Variants in PACRG observed in about 807,000 individuals in gnomAD.
PACRG encodes parkin coregulated gene protein.
A neutral mutation model predicts 29.7 loss-of-function variants in PACRG; 29 were observed. The observed-to-expected ratio is 0.98, with a 90% CI of 0.73 to 1.33. The LOEUF is 1.33. Among genes scored for constraint, PACRG ranks in the 40% most tolerant of loss-of-function variants. The pLI is 0.00. For missense variants in PACRG, 279 were observed against 316.2 expected, an observed-to-expected ratio of 0.88 and a Z score of 0.89; for synonymous variants, 116 against 118.7, an observed-to-expected ratio of 0.98 and a Z score of 0.15.
chr6:163,104,596 G>T (rs1815279797), intron 4 of PACRG, among the ~76,000 whole-genome samples: 1 of 152,164 alleles, frequency 6.6e-6, no homozygotes, highest in South Asian at 2.1e-4. Flanking sequence ...GTCTCATGGG[G>T]AAAAATAGTA....
intron 4 of PACRG, among the ~76,000 whole-genome samples, chr6:163,242,918 G>A (rs1782554129): frequency 6.6e-6 from 1 of 152,224 alleles, no homozygotes; most frequent in South Asian, 2.1e-4. Context: ...ATCATGAATT[G>A]CAAAATGCAG....
intron 1 of PACRG, among the ~76,000 whole-genome samples, chr6:162,773,493 C>CTTTTTTT (rs1562582605): frequency 9.7e-5 from 8 of 82,766 alleles, no homozygotes; most frequent in African/African-American, 2.9e-4. Context: ...TACAGCTTGT[C>CTTTTTTT]ATTTTTTTTT....
chr6:162,754,366 A>G (rs1781736923), intron 1 of PACRG, among the ~76,000 whole-genome samples: 1 of 152,038 alleles, frequency 6.6e-6, no homozygotes. Context: ...TGAGTTCCAT[A>G]TACCATCAGA....
Position 163,276,012 on chromosome 6 carries a change from T to TTCCTTCCTTCC in PACRG, c.614-38814_614-38813insCCTTCCTTCCT, listed in dbSNP as rs1218623098. Among the ~76,000 whole-genome samples the TTCCTTCCTTCC allele has an allele frequency of 3.3e-3, 460 of 138,234 alleles. 1 individual carries two copies. Among genetic ancestry groups the TTCCTTCCTTCC allele is most frequent in the East Asian group, 0.012 (61 of 5,010 alleles). 90.7% of individuals were successfully genotyped at this position (138,234 alleles called of 152,430 possible). On this transcript the variant is annotated intron_variant, in intron 4 of 4. Coordinates refer to ENST00000366888, the MANE Select transcript of PACRG (RefSeq NM_001080379.2). ...CTTTCCTTCCTTCCTTCCTTCCTTC[T>TTCCTTCCTTCC]TTCTTTCTTTCTTTCTTTCTTTCTT...
chr6:163,223,966 T>C (rs1448639982), intron 4 of PACRG, among the ~76,000 whole-genome samples: 1 of 152,196 alleles, frequency 6.6e-6, no homozygotes, highest in Admixed American at 6.5e-5. Flanking sequence ...CTGAGAATGC[T>C]ATCCTTATCA....
intron 4 of PACRG, among the ~76,000 whole-genome samples, chr6:163,177,522 G>A (rs983749814): frequency 1.3e-5 from 2 of 151,906 alleles, no homozygotes; most frequent in African/African-American, 2.4e-5. Context: ...AAGACCAAGC[G>A]TGAAGAAAGG....
At chr6:163,261,951 C>T (rs1783342788) in intron 4 of PACRG, among the ~76,000 whole-genome samples, 1 of 152,070 alleles carries the variant, frequency 6.6e-6, no homozygotes, top group African/African-American at 2.4e-5. Flanking sequence ...TACGGTGGGA[C>T]AACTATATTA....
intron 2 of PACRG, among the ~76,000 whole-genome samples, chr6:162,891,459 A>G (rs1432339693): frequency 6.6e-6 from 1 of 152,098 alleles, no homozygotes; most frequent in Non-Finnish European, 1.5e-5. Context: ...TGGTTCAGTG[A>G]TGATTTGGCT....
chr6:163,185,633 G>C (rs1446312788), intron 4 of PACRG, among the ~76,000 whole-genome samples: 3 of 152,186 alleles, frequency 2.0e-5, no homozygotes, highest in Non-Finnish European at 4.4e-5. Flanking sequence ...GAGATAAGAT[G>C]CTGGAGGAAA....
At chr6:162,882,749 A>G (rs1437380358) in intron 2 of PACRG, among the ~76,000 whole-genome samples, 1 of 152,042 alleles carries the variant, frequency 6.6e-6, no homozygotes, top group Admixed American at 6.6e-5. Context: ...CATCCCACCA[A>G]CATGTCTTTG....
intron 2 of PACRG, among the ~76,000 whole-genome samples, chr6:162,859,182 G>A (rs576175936): frequency 7.3e-5 from 11 of 151,570 alleles, no homozygotes; most frequent in Admixed American, 2.6e-4. Context: ...CTCTTTTCCC[G>A]TTTGCCATTT....
intron 2 of PACRG, among the ~76,000 whole-genome samples, chr6:162,948,631 C>G (rs1173100014): frequency 1.3e-5 from 2 of 152,080 alleles, no homozygotes; most frequent in African/African-American, 4.8e-5. Flanking sequence ...TATTTGCAAA[C>G]TATTCATCTG....
chr6:162,963,343 C>A lies in PACRG; in HGVS notation c.292-98807C>A, dbSNP rs116714762. 8.0e-3 allele frequency among the ~76,000 whole-genome samples: 1,218 copies of A among 152,104 alleles called. 10 individuals are homozygous for A. The highest frequency in any genetic ancestry group is 0.027 in the African/African-American group (1,108 of 41,508). The stretch of plus-strand genomic sequence containing the variant: ...AGGCAAATATCAAAGTTTGGGATTT[C>A]TAATCTCTTGTTATGTGATGTATTT... On this transcript the variant is annotated intron_variant, in intron 2 of 4. Coordinates refer to ENST00000366888, the MANE Select transcript of PACRG (RefSeq NM_001080379.2).
chr6:163,310,184 G>T (rs1466615200), intron 4 of PACRG: 1 of 152,238 alleles, frequency 6.6e-6, no homozygotes, highest in African/African-American at 2.4e-5. Context: ...CGCAGTGGCC[G>T]TCACACGTTC....
intron 1 of PACRG, among the ~76,000 whole-genome samples, chr6:162,789,241 AG>A (rs1784751761): frequency 6.6e-6 from 1 of 152,294 alleles, no homozygotes; most frequent in African/African-American, 2.4e-5. Flanking sequence ...GACTCTTAAA[AG>A]CTTGGAACAA....
At chr6:163,129,545 G>A (rs1408627567) in intron 4 of PACRG, among the ~76,000 whole-genome samples, 2 of 152,198 alleles carry the variant, frequency 1.3e-5, no homozygotes, top group East Asian at 3.9e-4. Flanking sequence ...TCAATGTTGA[G>A]CGTGTTCCTT....
intron 4 of PACRG, among the ~76,000 whole-genome samples, chr6:163,117,441 A>T (rs1816058302): frequency 6.6e-6 from 1 of 152,198 alleles, no homozygotes; most frequent in Non-Finnish European, 1.5e-5. Context: ...AAAGGAGTGG[A>T]GGTTTTGAGA....
In PACRG at chr6:162,877,256, TA is replaced by T. The variant is rs1255334909; in HGVS notation, c.291+62981del. Among the ~76,000 whole-genome samples the T allele has an allele frequency of 1.7e-4, 26 of 152,124 alleles. No individual in the cohort carries two copies. The South Asian group carries it at 4.8e-3, about 28-fold the overall frequency. ...TACACTGTGGAATACTATGCAGCCATAAAAAAGAATGAGTTCATGTCCTTTG... is the reference window on the plus strand; with the variant it reads ...TACACTGTGGAATACTATGCAGCCATAAAAAGAATGAGTTCATGTCCTTTG... On this transcript the variant is annotated intron_variant, in intron 2 of 4. Transcript: ENST00000366888.
At chr6:162,772,014 G>T (rs1360320297) in intron 1 of PACRG, among the ~76,000 whole-genome samples, 1 of 152,112 alleles carries the variant, frequency 6.6e-6, no homozygotes, top group Non-Finnish European at 1.5e-5. Context: ...ATGATAGAAA[G>T]AATTTGTGAA....
Sources: allele counts gnomAD v4.1 joint callset (sites outside exome capture counted in the v4.1 genomes callset), GRCh38; gene constraint gnomAD v4.1.1; transcripts MANE v1.5; gene names NCBI Gene and HGNC (gene_info 2026-07-23, HGNC 2026-07-21).